Variants in TRIML1 observed in about 807,000 individuals in gnomAD.
TRIML1 encodes tripartite motif family like 1.
Under a neutral mutation model 32.3 loss-of-function variants are expected in TRIML1, and 34 were observed. The ratio of observed to expected loss-of-function variants is 1.05; its 90% confidence interval spans 0.80 to 1.40. The LOEUF (loss-of-function observed/expected upper bound fraction) is 1.40. Ranked by LOEUF, TRIML1 falls within the 40% of genes most tolerant of loss-of-function variation. The probability of loss-of-function intolerance (pLI) is 0.00; values close to 1 mark genes in which losing one functional copy is unlikely to be tolerated. For synonymous variants in TRIML1, 244 were observed against 226.6 expected (o/e 1.08, Z -0.69); for missense variants, 595 against 574.9 (o/e 1.03, Z -0.36).
chr4:188,143,726 T>C, intron 3 of TRIML1, 112 bp from the exon 4 acceptor site: 10 of 1,297,106 alleles, frequency 7.7e-6, no homozygotes, highest in Non-Finnish European at 1.1e-5. Flanking sequence ...ACTCATGGTG[T>C]GCTTCATGGG....
At position 188,142,698 on chromosome 4, in the gene TRIML1, A is replaced by G. The variant is rs567350803; in HGVS notation, c.735+216A>G. Among the ~76,000 whole-genome samples, 4 of 151,688 alleles carry G rather than the reference A, an allele frequency of 2.6e-5. No homozygotes were observed. The East Asian group carries it at 7.7e-4, about 29-fold the overall frequency. Reference sequence around the variant, plus strand: ...ACATCCAGAGGAATAACTATCCCAAACAAGCCTGAGAGTGGCTTCAATTTC... The same window carrying G: ...ACATCCAGAGGAATAACTATCCCAAGCAAGCCTGAGAGTGGCTTCAATTTC... On this transcript the variant is annotated intron_variant, in intron 3 of 5. Coordinates refer to ENST00000332517, the MANE Select transcript of TRIML1 (RefSeq NM_178556.5).
At chr4:188,139,420 C>A, upstream of TRIML1, 2 of 811,846 alleles carry the variant, frequency 2.5e-6, no homozygotes, top group Non-Finnish European at 1.9e-6. Flanking sequence ...AAATCAGGCA[C>A]AGAAGAGATA....
At position 188,142,275 on chromosome 4, in the gene TRIML1, GGTT is replaced by G. The variant is rs775283782; in HGVS notation, c.534_536del (p.Val179del). The G allele has an allele frequency of 7.3e-5, 118 of 1,611,252 alleles. No individual in the cohort carries two copies. The South Asian group carries it at 1.2e-3, about 17-fold the overall frequency. On this transcript the variant is annotated inframe_deletion, in exon 3 of 6. Coordinates refer to ENST00000332517, the MANE Select transcript of TRIML1 (RefSeq NM_178556.5). ...AGGAAGAAACAAAGACTTGTAAACA[GGTT>G]GTTGTGTCAGAATACATGAAAATGC...
In TRIML1 at chr4:188,141,165, G is replaced by GTTTTTTTTTTTTTTTTTTTT. The variant is rs58714915; in HGVS notation, c.504+561_504+562insTTTTTTTTTTTTTTTTTTTT. ...ATTCTCCCAATAGACTTTGAAATCTGTTTTTTTTTTTTTTTTTTTGGAGAT... is the reference window on the plus strand; with the variant it reads ...ATTCTCCCAATAGACTTTGAAATCTGTTTTTTTTTTTTTTTTTTTTTTTTTTTTTTTTTTTTTTTGGAGAT... On this transcript the variant is annotated intron_variant, in intron 2 of 5. Coordinates refer to ENST00000332517, the MANE Select transcript of TRIML1 (RefSeq NM_178556.5). 2.4e-4 allele frequency among the ~76,000 whole-genome samples: 28 copies of GTTTTTTTTTTTTTTTTTTTT among 118,818 alleles called. 2 individuals carry two copies. The highest frequency in any genetic ancestry group is 1.9e-3 in the East Asian group (7 of 3,650). The allele number at this position is 118,818 out of a possible 152,430, so 77.9% of individuals were successfully genotyped here. A position where few individuals can be genotyped will look rare whatever the true frequency, so the allele number is the denominator to read the frequency against.
downstream of TRIML1, among the ~76,000 whole-genome samples, chr4:188,149,575 C>G (rs1400699390): frequency 6.6e-6 from 1 of 152,152 alleles, no homozygotes; most frequent in African/African-American, 2.4e-5. Flanking sequence ...CCACTCTATA[C>G]GTTTCAATCT....
intron 2 of TRIML1, among the ~76,000 whole-genome samples, chr4:188,142,029 A>G (rs1734873061): frequency 6.6e-6 from 1 of 151,652 alleles, no homozygotes; most frequent in Admixed American, 6.6e-5. Flanking sequence ...AGGCAGGAGA[A>G]TCATTTGAAC....
chr4:188,144,885 T>A (rs886627757), intron 5 of TRIML1, among the ~76,000 whole-genome samples: 1 of 152,134 alleles, frequency 6.6e-6, no homozygotes. Context: ...GACGTCAGGA[T>A]TAGTTCTCAG....
intron 3 of TRIML1, 46 bp downstream of exon 3, chr4:188,142,528 C>A: frequency 7.3e-7 from 1 of 1,375,934 alleles, no homozygotes; most frequent in South Asian, 1.2e-5. Context: ...TATAGTAACT[C>A]ATAGTACTTC....
rs13131525 is a variant in TRIML1, at chr4:188,139,952, G to A, written c.394G>A (p.Glu132Lys). The change falls in exon 1 of 6, where the codon GAG becomes AAG. Residue 132 changes from glutamate to lysine, a missense_variant. Physicochemically the swap from Glu to Lys is moderately conservative, Grantham distance 56. Transcript: ENST00000332517. ...ANRVHLSSEA[E>K]EHHREKLQEI... Reference sequence around the variant, plus strand: ...CAGAGTGCATCTCTCCAGCGAGGCTGAGGAGCATCACAGAGTAAGACAGCT... The same window carrying A: ...CAGAGTGCATCTCTCCAGCGAGGCTAAGGAGCATCACAGAGTAAGACAGCT... 0.47 allele frequency: 760,092 copies of A among 1,607,718 alleles called. 190,159 individuals carry two copies. The highest frequency in any genetic ancestry group is 0.53 in the Admixed American group (31,893 of 59,732).
upstream of TRIML1, among the ~76,000 whole-genome samples, chr4:188,137,823 G>A (rs1579201447): frequency 6.6e-6 from 1 of 151,942 alleles, no homozygotes; most frequent in East Asian, 1.9e-4. Context: ...ATGTTGGCCA[G>A]GCTGGTCTTA....
rs1371279671 is a variant in TRIML1 at position 188,139,479 on chromosome 4, CA to C, written c.-76del. The C allele has an allele frequency of 7.6e-6, 11 of 1,443,944 alleles. No homozygotes were observed. The African/African-American group carries it at 1.4e-4, about 19-fold the overall frequency. The allele number at this position is 1,443,944 out of a possible 1,614,324, so 89.4% of individuals were successfully genotyped here. A position where few individuals can be genotyped will look rare whatever the true frequency, so the allele number is the denominator to read the frequency against. The stretch of plus-strand genomic sequence containing the variant: ...AGGAACAGGTCACCCGCGTGTTACT[CA>C]AAACTGTAGGACGGCAGTGAGGGCT... On this transcript the variant is annotated 5_prime_UTR_variant, in exon 1 of 6. Transcript: ENST00000332517.
upstream of TRIML1, among the ~76,000 whole-genome samples, chr4:188,137,916 C>CTTTTTTT (rs1298700958): frequency 1.1e-3 from 151 of 131,558 alleles, 6 homozygotes; most frequent in Middle Eastern, 4.5e-3. Flanking sequence ...CCTGGCCAAA[C>CTTTTTTT]TTTTTTTCTT....
intron 5 of TRIML1, 128 bp from the exon 6 acceptor site, chr4:188,146,694 A>G (rs1304051800): frequency 1.4e-6 from 1 of 727,522 alleles, no homozygotes; most frequent in Non-Finnish European, 2.0e-6. Flanking sequence ...GGCGCGAGCC[A>G]TCACGCCCGG....
chr4:188,146,579 T>C (rs1735088143), intron 5 of TRIML1, among the ~76,000 whole-genome samples: 1 of 152,064 alleles, frequency 6.6e-6, no homozygotes, highest in South Asian at 2.1e-4. Flanking sequence ...CTGGCTATGT[T>C]TTGTATTTTT....
chr4:188,140,548 G>T lies in TRIML1; in HGVS notation c.429G>T (p.Leu143=). 1 of 1,614,052 alleles carries T rather than the reference G, an allele frequency of 6.2e-7. No individual in the cohort carries two copies. Among genetic ancestry groups the T allele is most frequent in the African/African-American group, 1.3e-5 (1 of 75,038 alleles). The change falls in exon 2 of 6, where the codon CTG becomes CTT. Residue 143 remains leucine (L), a synonymous_variant. Transcript: ENST00000332517. ...TGCAGGAGAAACTCCAGGAAATCCTGAATCTTTTGCGTGTAAGGAGAAAGG... is the reference window on the plus strand; with the variant it reads ...TGCAGGAGAAACTCCAGGAAATCCTTAATCTTTTGCGTGTAAGGAGAAAGG... The part of the protein sequence containing the change: ...EHHREKLQEI[L]NLLRVRRKEA...
upstream of TRIML1, among the ~76,000 whole-genome samples, chr4:188,138,776 C>G (rs1579202179): frequency 1.1e-4 from 2 of 17,416 alleles, no homozygotes; most frequent in South Asian, 8.8e-4. Flanking sequence ...AGTGGGATAG[C>G]CTCTTGAGGC....
Position 188,145,851 on chromosome 4 carries a change from G to A in TRIML1, c.857-971G>A, listed in dbSNP as rs530587064. Reference sequence around the variant, plus strand: ...AAAAAAATAAAAGGAGGCCCCATATGTGACTGTCGGTTCACAGACTATGTG... The same window carrying A: ...AAAAAAATAAAAGGAGGCCCCATATATGACTGTCGGTTCACAGACTATGTG... On this transcript the variant is annotated intron_variant, in intron 5 of 5. Transcript: ENST00000332517. Among the ~76,000 whole-genome samples the A allele has an allele frequency of 1.6e-4, 24 of 152,178 alleles. No individual in the cohort carries two copies. The South Asian group carries it at 2.1e-3, about 13-fold the overall frequency.
intron 3 of TRIML1, 50 bp downstream of exon 3, chr4:188,142,532 GT>G (rs997176053): frequency 4.4e-6 from 6 of 1,367,220 alleles, no homozygotes; most frequent in Non-Finnish European, 6.2e-6. Context: ...GTAACTCATA[GT>G]ACTTCAAGCC....
intron 5 of TRIML1, 119 bp from the exon 6 acceptor site, chr4:188,146,702 CG>C: frequency 1.2e-6 from 1 of 807,398 alleles, no homozygotes; most frequent in Non-Finnish European, 1.8e-6. Context: ...CCATCACGCC[CG>C]GCCCCAAATT....
Sources: gnomAD v4.1 joint callset for allele counts (sites outside exome capture counted in the v4.1 genomes callset) on GRCh38, gnomAD v4.1.1 for gene constraint, MANE v1.5 for transcripts, NCBI Gene and HGNC (gene_info 2026-07-23, HGNC 2026-07-21) for gene names.